The following MYO9A variants were observed in gnomAD, a reference collection of about 807,000 sequenced individuals.
MYO9A encodes the protein myosin IXA, also known as unconventional myosin-IXa.
A neutral mutation model predicts 293.3 loss-of-function variants in MYO9A; 103 were observed. The observed-to-expected ratio is 0.35, with a 90% confidence interval of 0.30 to 0.41. MYO9A has a LOEUF of 0.41. MYO9A is among the 10% of genes least tolerant of loss of function. The pLI is 1.00. For missense variants in MYO9A, 2,685 were observed against 3,033.0 expected (o/e 0.89, Z 2.69); for synonymous variants, 1,001 against 1,035.7 (o/e 0.97, Z 0.64).
intron 34 of MYO9A, among the ~76,000 whole-genome samples, chr15:71,857,191 GTAATC>G (rs1307903415): frequency 6.6e-6 from 1 of 152,016 alleles, no homozygotes; most frequent in Admixed American, 6.6e-5. Flanking sequence ...TTGAAACTAA[GTAATC>G]TAAAGCAAAC....
intron 34 of MYO9A, chr15:71,858,667 G>A (rs1461855552): frequency 1.5e-5 from 2 of 133,696 alleles, no homozygotes; most frequent in Non-Finnish European, 3.1e-5. Context: ...AGAACACTTG[G>A]ACACAGGAAG....
chr15:71,937,060 A>T (rs1489489794), intron 16 of MYO9A, among the ~76,000 whole-genome samples: 1 of 151,976 alleles, frequency 6.6e-6, no homozygotes, highest in Non-Finnish European at 1.5e-5. Context: ...AGGGAGAGGG[A>T]GGAAAAAATG....
At chr15:71,944,112 T>C (rs940114262) in intron 15 of MYO9A, among the ~76,000 whole-genome samples, 5 of 152,098 alleles carry the variant, frequency 3.3e-5, no homozygotes, top group South Asian at 2.1e-4. Context: ...ATGAAAAAGT[T>C]GAACATCTTT....
At chr15:71,938,474 G>A (rs1331860638) in intron 16 of MYO9A, among the ~76,000 whole-genome samples, 2 of 151,994 alleles carry the variant, frequency 1.3e-5, no homozygotes, top group East Asian at 1.9e-4. Flanking sequence ...GGTATTGGAT[G>A]GTTTGATGTA....
At chr15:71,965,787 C>A (rs186196076) in intron 13 of MYO9A, among the ~76,000 whole-genome samples, 1 of 152,300 alleles carries the variant, frequency 6.6e-6, no homozygotes, top group South Asian at 2.1e-4. Flanking sequence ...TTAGTGATTA[C>A]GTCTTCCTGT....
At chr15:72,058,680 A>G (rs2078791783) in intron 1 of MYO9A, among the ~76,000 whole-genome samples, 1 of 152,208 alleles carries the variant, frequency 6.6e-6, no homozygotes, top group African/African-American at 2.4e-5. Context: ...TAGACACTTC[A>G]AAAGTATATG....
At chr15:71,859,699 T>A in intron 34 of MYO9A, 36 bp downstream of exon 34, 1 of 1,547,616 alleles carries the variant, frequency 6.5e-7, no homozygotes, top group Non-Finnish European at 8.9e-7. Context: ...GACCAACAGG[T>A]CTGTTATCTA....
intron 1 of MYO9A, among the ~76,000 whole-genome samples, chr15:72,074,930 T>C (rs1337550327): frequency 6.7e-6 from 1 of 149,746 alleles, no homozygotes; most frequent in Non-Finnish European, 1.5e-5. Flanking sequence ...AAGAAGCAGT[T>C]AGAAATTTCA....
At chr15:71,939,021 C>T (rs541447238) in intron 15 of MYO9A, 94 bp from the exon 16 acceptor site, 67 of 853,824 alleles carry the variant, frequency 7.8e-5, no homozygotes, top group African/African-American at 7.6e-4. Context: ...AATTTAATCA[C>T]GAGTATTTGC....
In MYO9A at chr15:71,824,092, A is replaced by C. The variant is rs1247778935; in HGVS notation, c.*2488T>G. On this transcript the variant is annotated 3_prime_UTR_variant, in exon 42 of 42. Coordinates refer to ENST00000356056, the MANE Select transcript of MYO9A (RefSeq NM_006901.4). Reference sequence around the variant, plus strand: ...CTTTCCCTCAAAGGGAGGGCCCCACACTGCTCTCCACTCTTATCATTTTGT... The same window carrying C: ...CTTTCCCTCAAAGGGAGGGCCCCACCCTGCTCTCCACTCTTATCATTTTGT... The C allele has an allele frequency of 6.6e-6, 1 of 152,036 alleles. No individual in the cohort carries two copies. The highest frequency in any genetic ancestry group is 1.5e-5 in the Non-Finnish European group (1 of 67,996). The allele number at this position is 152,036 out of a possible 1,614,324, so 9.4% of individuals were successfully genotyped here. A position where few individuals can be genotyped will look rare whatever the true frequency, so the allele number is the denominator to read the frequency against.
chr15:71,878,384 TGTA>T (rs1031993317), intron 30 of MYO9A, among the ~76,000 whole-genome samples, 153 bp from the exon 31 acceptor site: 2 of 152,352 alleles, frequency 1.3e-5, no homozygotes. Context: ...ATGTGGTATT[TGTA>T]AACTCCCATT....
chr15:71,853,089 C>T (rs1854395479), intron 35 of MYO9A, among the ~76,000 whole-genome samples: 1 of 124,494 alleles, frequency 8.0e-6, no homozygotes, highest in Non-Finnish European at 1.7e-5. Context: ...GCAAGACTGT[C>T]TCTGAATGAA....
At chr15:72,006,692 TAA>T (rs1245196411) in intron 8 of MYO9A, among the ~76,000 whole-genome samples, 1 of 152,146 alleles carries the variant, frequency 6.6e-6, no homozygotes, top group Admixed American at 6.5e-5. Flanking sequence ...AAAAATTATT[TAA>T]GAGATTGGGG....
chr15:71,935,199 C>CT (rs1314389848), intron 17 of MYO9A, 142 bp downstream of exon 17: 12 of 898,018 alleles, frequency 1.3e-5, no homozygotes, highest in East Asian at 2.7e-5. Context: ...ACCTAAATAA[C>CT]TTTGAGTCTT....
chr15:71,846,928 G>C (rs953449930), intron 39 of MYO9A, among the ~76,000 whole-genome samples: 1 of 152,206 alleles, frequency 6.6e-6, no homozygotes, highest in African/African-American at 2.4e-5. Context: ...AAGTGGATAA[G>C]AACCATATTT....
intron 18 of MYO9A, among the ~76,000 whole-genome samples, chr15:71,928,370 G>C (rs2058385159): frequency 6.6e-6 from 1 of 151,820 alleles, no homozygotes; most frequent in Non-Finnish European, 1.5e-5. Flanking sequence ...AAATCAGGTA[G>C]TGTGAGCCTC....
intron 18 of MYO9A, among the ~76,000 whole-genome samples, chr15:71,924,119 CA>C (rs1282616993): frequency 6.6e-6 from 1 of 152,064 alleles, no homozygotes; most frequent in East Asian, 1.9e-4. Flanking sequence ...AGTTCAGAAG[CA>C]TGTTGTTTAA....
chr15:71,853,702 A>G (rs114932023), intron 35 of MYO9A, among the ~76,000 whole-genome samples: 2,070 of 152,306 alleles, frequency 0.014, 30 homozygotes, highest in African/African-American at 0.023. Flanking sequence ...GAATGAAACC[A>G]GAGTCAGTCC....
intron 18 of MYO9A, 126 bp from the exon 19 acceptor site, chr15:71,916,618 T>C: frequency 3.4e-6 from 3 of 869,862 alleles, no homozygotes; most frequent in Admixed American, 5.2e-5. Flanking sequence ...GTAGTGAATA[T>C]GAAAGACTGA....
Sources: gnomAD v4.1 joint callset for allele counts (sites outside exome capture counted in the v4.1 genomes callset) on GRCh38, gnomAD v4.1.1 for gene constraint, MANE v1.5 for transcripts, NCBI Gene and HGNC (gene_info 2026-07-23, HGNC 2026-07-21) for gene names.